The following DCAF8L2 variants were observed in gnomAD, a reference collection of about 807,000 sequenced individuals.
DCAF8L2 encodes the protein DDB1 and CUL4 associated factor 8 like 2.
For synonymous variants in DCAF8L2, 200 were observed against 190.9 expected (o/e 1.05, Z -0.39); for missense variants, 430 against 490.7 (o/e 0.88, Z 1.17).
chrX:27,579,615 TAC>T, the DCAF8L2 span, among the ~76,000 whole-genome samples: 2,337 of 87,863 alleles, frequency 0.027, 34 homozygotes, highest in African/African-American at 0.046. Context: ...TTCAGAGAAA[TAC>T]ACACACACAC....
intron 4 of DCAF8L2, among the ~76,000 whole-genome samples, chrX:27,731,248 A>G (rs949695064): frequency 2.7e-5 from 3 of 110,049 alleles, no homozygotes; most frequent in African/African-American, 9.9e-5. Context: ...TACTTAAAAA[A>G]AAAAATACAA....
At chrX:27,557,283 T>C in the DCAF8L2 span, among the ~76,000 whole-genome samples, 3 of 112,358 alleles carry the variant, frequency 2.7e-5, no homozygotes, top group East Asian at 2.8e-4. Flanking sequence ...CAACTTTTAG[T>C]GTAGTCCTTT....
At chrX:27,724,319 C>A (rs190826612) in intron 4 of DCAF8L2, among the ~76,000 whole-genome samples, 2 of 110,891 alleles carry the variant, frequency 1.8e-5, no homozygotes, top group East Asian at 5.6e-4. Flanking sequence ...ATAAGATTTA[C>A]TGGATACATT....
At chrX:27,736,254 G>A (rs922028834) in intron 4 of DCAF8L2, among the ~76,000 whole-genome samples, 2 of 111,143 alleles carry the variant, frequency 1.8e-5, no homozygotes, top group Admixed American at 9.6e-5. Context: ...GACATTTCCC[G>A]GCAGTCAACA....
At chrX:27,516,064 T>C in the DCAF8L2 span, among the ~76,000 whole-genome samples, 40 of 112,306 alleles carry the variant, frequency 3.6e-4, no homozygotes, top group African/African-American at 1.2e-3. Context: ...CTACTGTGTA[T>C]GAAAATGTTT....
chrX:27,586,287 T>TA (rs200481617), upstream of DCAF8L2, among the ~76,000 whole-genome samples: 990 of 111,442 alleles, frequency 8.9e-3, 12 homozygotes, highest in African/African-American at 0.031. Flanking sequence ...AAGTTGAACA[T>TA]ATGTGTACTG....
At chrX:27,540,970 A>C in the DCAF8L2 span, among the ~76,000 whole-genome samples, 10,688 of 111,973 alleles carry the variant, frequency 0.095, 404 homozygotes, top group Non-Finnish European at 0.12. Context: ...CAGGGAACAG[A>C]TATCCATTGT....
At chrX:27,665,949 A>T (rs906595910) in intron 2 of DCAF8L2, among the ~76,000 whole-genome samples, 4 of 111,909 alleles carry the variant, frequency 3.6e-5, no homozygotes, top group African/African-American at 1.3e-4. Flanking sequence ...GACTTGCTTT[A>T]TTGTGATATT....
chrX:27,734,404 G>A (rs1921406474), intron 4 of DCAF8L2, among the ~76,000 whole-genome samples: 1 of 110,685 alleles, frequency 9.0e-6, no homozygotes, highest in South Asian at 3.9e-4. Flanking sequence ...GAGCATTGAG[G>A]CAAATGAGAG....
the DCAF8L2 span, among the ~76,000 whole-genome samples, chrX:27,513,923 C>T: frequency 9.0e-6 from 1 of 111,620 alleles, no homozygotes; most frequent in South Asian, 3.8e-4. Flanking sequence ...GAAAGGAGAA[C>T]TCTGAATCAC....
At chrX:27,672,142 C>T (rs1337945396) in intron 2 of DCAF8L2, among the ~76,000 whole-genome samples, 1 of 111,619 alleles carries the variant, frequency 9.0e-6, no homozygotes, top group Admixed American at 9.5e-5. Context: ...GATTCCATAT[C>T]AAACAGTGTT....
At chrX:27,613,274 T>C (rs755535642) in intron 1 of DCAF8L2, among the ~76,000 whole-genome samples, 2 of 111,689 alleles carry the variant, frequency 1.8e-5, no homozygotes, top group East Asian at 2.8e-4. Context: ...TGTATAGGAA[T>C]GCTTGTAATT....
Position 27,748,739 on chromosome X carries a change from C to T in DCAF8L2, c.1844C>T (p.Ser615Leu). Residue 615 changes from serine to leucine, a missense_variant, in exon 5 of 5, where the codon TCA becomes TTA. By Grantham distance (145) the Ser-to-Leu change is moderately radical (BLOSUM62 -2). Transcript: ENST00000451261. ...DEESDESSSTSETSEEEVQDR... is the reference protein window; with the variant it reads ...DEESDESSSTLETSEEEVQDR... ...GAATCGGATGAGTCTTCCAGCACTT[C>T]AGAGACATCTGAGGAGGAGGTCCAA... 1 of 1,204,434 alleles carries T rather than the reference C, an allele frequency of 8.3e-7. No individual in the cohort carries two copies. The highest frequency in any genetic ancestry group is 1.8e-5 in the South Asian group (1 of 55,475).
At chrX:27,681,641 T>C (rs12007237) in intron 3 of DCAF8L2, among the ~76,000 whole-genome samples, 10,382 of 111,888 alleles carry the variant, frequency 0.093, 1,159 homozygotes, top group African/African-American at 0.32. Context: ...CCTTATGTGA[T>C]TGGATTAAAA....
intron 4 of DCAF8L2, among the ~76,000 whole-genome samples, chrX:27,732,081 A>G (rs1921237199): frequency 1.8e-5 from 2 of 111,614 alleles, no homozygotes; most frequent in Non-Finnish European, 1.9e-5. Flanking sequence ...TGAAATTGCT[A>G]CTACAATTAA....
chrX:27,590,402 T>C lies in DCAF8L2; in HGVS notation c.-380T>C. ...AGGTTATTTAGAAGACGTCTTGCAC[T>C]GTTCAAATGCAGAGGAAGGCGAATG... On this transcript the variant is annotated 5_prime_UTR_variant, in exon 1 of 5. Transcript: ENST00000451261. 1 of 111,794 alleles carries C rather than the reference T, an allele frequency of 8.9e-6. No individual in the cohort carries two copies. The highest frequency in any genetic ancestry group is 1.9e-5 in the Non-Finnish European group (1 of 53,198). 9.2% of individuals were successfully genotyped at this position (111,794 alleles called of 1,213,427 possible).
intron 2 of DCAF8L2, among the ~76,000 whole-genome samples, chrX:27,638,722 C>A (rs756864958): frequency 1.8e-5 from 2 of 111,644 alleles, no homozygotes; most frequent in Non-Finnish European, 3.8e-5. Context: ...AAGAACAGCC[C>A]AATCATTTGC....
chrX:27,709,258 A>G (rs1931445344), intron 3 of DCAF8L2, among the ~76,000 whole-genome samples: 1 of 112,516 alleles, frequency 8.9e-6, no homozygotes, highest in African/African-American at 3.2e-5. Flanking sequence ...TTTCCACTCT[A>G]TTAGATTCTG....
the DCAF8L2 span, chrX:27,519,038 G>T: frequency 1.0e-6 from 1 of 993,591 alleles, no homozygotes. Context: ...ATGCGAAGAA[G>T]GAAGCCTGAT....
Sources: allele counts gnomAD v4.1 joint callset (sites outside exome capture counted in the v4.1 genomes callset), GRCh38; gene constraint gnomAD v4.1.1; transcripts MANE v1.5; gene names NCBI Gene and HGNC (gene_info 2026-07-23, HGNC 2026-07-21).